The following SCAMP1 variants were observed in gnomAD, a reference collection of about 807,000 sequenced individuals.
SCAMP1 encodes secretory carrier-associated membrane protein 1.
SCAMP1 carries 15 observed loss-of-function variants against 41.8 expected under a neutral mutation model. That is an observed-to-expected ratio of 0.36 (90% confidence interval 0.24 to 0.55). The LOEUF (loss-of-function observed/expected upper bound fraction) is 0.55, where lower values mean the gene tolerates loss of function less well. Ranked by LOEUF, SCAMP1 falls within the 20% of genes least tolerant of loss-of-function variation. The pLI, the probability that SCAMP1 is intolerant of heterozygous loss-of-function variation, is 0.86. For missense variants in SCAMP1, 341 were observed against 412.6 expected (o/e 0.83, Z 1.50); for synonymous variants, 135 against 136.8 (o/e 0.99, Z 0.09).
Position 78,391,582 on chromosome 5 carries a change from G to C in SCAMP1, c.135+2668G>C, listed in dbSNP as rs186849522. On this transcript the variant is annotated intron_variant, in intron 2 of 8. Coordinates refer to ENST00000621999, the MANE Select transcript of SCAMP1 (RefSeq NM_004866.6). ...AGACGATGGGTGGCCAGGCAGAGAC[G>C]CTCCTCACTTCCCACACGGGGTGGC... is the stretch of plus-strand genomic sequence containing the variant. Among the ~76,000 whole-genome samples the C allele has an allele frequency of 3.9e-3, 591 of 152,144 alleles. 4 individuals carry two copies. The highest frequency in any genetic ancestry group is 0.013 in the African/African-American group (549 of 41,534).
Position 78,421,855 on chromosome 5 carries a change from T to C in SCAMP1, c.527T>C (p.Val176Ala). ...NIFGCLAWFCVDSARAVDFGL... is the reference protein window; with the variant it reads ...NIFGCLAWFCADSARAVDFGL... ...TTCGGATGCTTGGCTTGGTTTTGTG[T>C]TGATTCTGCAAGAGCGGTTGATTTT... Residue 176 changes from valine to alanine, a missense_variant, in exon 6 of 9, where the codon GTT becomes GCT. Transcript: ENST00000621999. 1 of 1,613,814 alleles carries C rather than the reference T, an allele frequency of 6.2e-7. No individual in the cohort carries two copies. The highest frequency in any genetic ancestry group is 2.2e-5 in the East Asian group (1 of 44,866).
chr5:78,473,171 G>A (rs1753925970), intron 8 of SCAMP1, among the ~76,000 whole-genome samples: 1 of 152,170 alleles, frequency 6.6e-6, no homozygotes. Flanking sequence ...ACCAGTATAT[G>A]TATTTGTCAG....
rs1554046050 is a variant in SCAMP1, at chr5:78,450,029, C to A, written c.729C>A (p.Gly243=). 4 of 1,517,488 alleles carry A rather than the reference C, an allele frequency of 2.6e-6. No homozygotes were observed. The highest frequency in any genetic ancestry group is 3.6e-6 in the Non-Finnish European group (4 of 1,121,250). 94.0% of individuals were successfully genotyped at this position (1,517,488 alleles called of 1,614,324 possible). ...AAGCTGCAGGATTTCATAACTGGGG[C>A]AATTGGTAAGTTTTTTTTTTTACTA... The part of the protein sequence containing the change: ...VLQAAGFHNW[G]NCGWISSLTG... The change falls in exon 7 of 9, where the codon GGC becomes GGA. Residue 243 remains glycine (G), a synonymous_variant. Coordinates refer to ENST00000621999, the MANE Select transcript of SCAMP1 (RefSeq NM_004866.6).
chr5:78,435,213 C>T (rs1752718474), intron 6 of SCAMP1, among the ~76,000 whole-genome samples: 1 of 152,294 alleles, frequency 6.6e-6, no homozygotes, highest in Admixed American at 6.5e-5. Flanking sequence ...GGCTTATTAA[C>T]ATGACCTACA....
intron 6 of SCAMP1, among the ~76,000 whole-genome samples, chr5:78,444,755 A>T (rs1162847612): frequency 6.6e-6 from 1 of 152,190 alleles, no homozygotes; most frequent in East Asian, 1.9e-4. Context: ...GTTTATTTTG[A>T]TACAGTATTA....
At chr5:78,422,657 T>C (rs115486672) in intron 6 of SCAMP1, among the ~76,000 whole-genome samples, 2,124 of 152,278 alleles carry the variant, frequency 0.014, 47 homozygotes, top group African/African-American at 0.042. Flanking sequence ...TTTCTTACAC[T>C]CTTTAAGTAC....
At chr5:78,456,504 A>T (rs960839832) in intron 7 of SCAMP1, among the ~76,000 whole-genome samples, 2 of 151,444 alleles carry the variant, frequency 1.3e-5, no homozygotes, top group African/African-American at 4.9e-5. Flanking sequence ...AGAATGTTGA[A>T]TATTGGCCCC....
At chr5:78,440,108 A>C (rs1409971935) in intron 6 of SCAMP1, among the ~76,000 whole-genome samples, 1 of 152,178 alleles carries the variant, frequency 6.6e-6, no homozygotes, top group Non-Finnish European at 1.5e-5. Context: ...CCATTCGTCT[A>C]ATCCTTTTTC....
chr5:78,428,467 G>A (rs1752520299), intron 6 of SCAMP1, among the ~76,000 whole-genome samples: 1 of 152,076 alleles, frequency 6.6e-6, no homozygotes, highest in African/African-American at 2.4e-5. Context: ...ACTCAGTTCT[G>A]ATCTATTGAA....
chr5:78,370,867 T>C (rs1750927497), intron 1 of SCAMP1: 1 of 152,224 alleles, frequency 6.6e-6, no homozygotes, highest in Admixed American at 6.5e-5. Context: ...ATTCTAGTCA[T>C]CCTAGTGGGG....
chr5:78,427,641 A>G (rs1752500667), intron 6 of SCAMP1, among the ~76,000 whole-genome samples: 1 of 152,096 alleles, frequency 6.6e-6, no homozygotes, highest in Non-Finnish European at 1.5e-5. Flanking sequence ...TGGGTGTACC[A>G]TTTCACATTC....
At chr5:78,419,237 G>T (rs1752281179) in intron 5 of SCAMP1, among the ~76,000 whole-genome samples, 1 of 152,100 alleles carries the variant, frequency 6.6e-6, no homozygotes, top group Non-Finnish European at 1.5e-5. Flanking sequence ...AAAAAATAGT[G>T]CATACTAATT....
chr5:78,405,119 G>A (rs1321371733), intron 2 of SCAMP1, among the ~76,000 whole-genome samples: 2 of 152,172 alleles, frequency 1.3e-5, no homozygotes, highest in Admixed American at 6.5e-5. Flanking sequence ...ATCTCTTAAC[G>A]ATCCAGAATG....
intron 8 of SCAMP1, among the ~76,000 whole-genome samples, chr5:78,473,186 C>CT (rs1222289301): frequency 6.6e-6 from 1 of 152,120 alleles, no homozygotes; most frequent in African/African-American, 2.4e-5. Flanking sequence ...TGTCAGTGCT[C>CT]TTTTTCTTCC....
At chr5:78,441,927 G>A (rs534252849) in intron 6 of SCAMP1, among the ~76,000 whole-genome samples, 4 of 152,278 alleles carry the variant, frequency 2.6e-5, no homozygotes, top group South Asian at 4.1e-4. Context: ...CTTGGTGCTC[G>A]AGACCAGGCT....
At position 78,459,244 on chromosome 5, in the gene SCAMP1, G is replaced by T. The variant is rs755588021; in HGVS notation, c.735-1G>T. The T allele has an allele frequency of 7.1e-7, 1 of 1,404,344 alleles. No homozygotes were observed. The highest frequency in any genetic ancestry group is 1.0e-6 in the Non-Finnish European group (1 of 993,208). 87.0% of individuals were successfully genotyped at this position (1,404,344 alleles called of 1,614,324 possible). A position where few individuals can be genotyped will look rare whatever the true frequency, so the allele number is the denominator to read the frequency against. ...TAATTACACTTTTTATTACTTTTTA[G>T]TGGTTGGATTTCATCCCTTACTGGT... On this transcript the variant is annotated splice_acceptor_variant, in intron 7 of 8. Coordinates refer to ENST00000621999, the MANE Select transcript of SCAMP1 (RefSeq NM_004866.6). LOFTEE classifies it high-confidence loss of function.
chr5:78,383,817 A>C (rs10054475), intron 1 of SCAMP1, among the ~76,000 whole-genome samples: 96,544 of 151,968 alleles, frequency 0.64, 31,914 homozygotes, highest in Admixed American at 0.72. Flanking sequence ...CAGTACCATG[A>C]TCTTTTGGTG....
chr5:78,409,469 C>T (rs1212828293), intron 2 of SCAMP1, among the ~76,000 whole-genome samples: 2 of 151,616 alleles, frequency 1.3e-5, no homozygotes, highest in Admixed American at 6.6e-5. Flanking sequence ...TCATCTGTCC[C>T]AGAGTGAAAA....
At chr5:78,377,598 ACTG>A (rs750539240) in intron 1 of SCAMP1, among the ~76,000 whole-genome samples, 17 of 152,220 alleles carry the variant, frequency 1.1e-4, no homozygotes, top group Non-Finnish European at 7.3e-5. Flanking sequence ...TGGGCAAAGA[ACTG>A]CTTCTGGTTG....
Sources: allele counts gnomAD v4.1 joint callset (sites outside exome capture counted in the v4.1 genomes callset), GRCh38; gene constraint gnomAD v4.1.1; transcripts MANE v1.5; gene names NCBI Gene and HGNC (gene_info 2026-07-23, HGNC 2026-07-21).